The following CHST8 variants were observed in gnomAD, a reference collection of about 807,000 sequenced individuals.
CHST8 encodes carbohydrate sulfotransferase 8.
In CHST8, 10 loss-of-function variants were observed where a neutral mutation model predicts 15.0. The ratio of observed to expected loss-of-function variants is 0.67; its 90% confidence interval spans 0.41 to 1.13. The LOEUF (loss-of-function observed/expected upper bound fraction) is 1.13, where lower values mean the gene tolerates loss of function less well. Ranked by LOEUF, CHST8 falls within the 50% of genes most tolerant of loss-of-function variation. CHST8 has a pLI of 0.00. For synonymous variants in CHST8, 259 were observed against 256.6 expected (o/e 1.01, Z -0.09); for missense variants, 634 against 608.2 (o/e 1.04, Z -0.45).
intron 3 of CHST8, among the ~76,000 whole-genome samples, chr19:33,770,779 G>C (rs1241795119): frequency 6.6e-6 from 1 of 152,044 alleles, no homozygotes; most frequent in Non-Finnish European, 1.5e-5. Context: ...GGGAGACCAG[G>C]GCGAGCAAGA....
At chr19:33,627,561 C>A (rs2115374) in intron 1 of CHST8, among the ~76,000 whole-genome samples, 1 of 152,076 alleles carries the variant, frequency 6.6e-6, no homozygotes, top group Non-Finnish European at 1.5e-5. Flanking sequence ...GCACTCCGCA[C>A]GTAGAACACC....
chr19:33,622,615 G>A (rs1201672929), intron 1 of CHST8, among the ~76,000 whole-genome samples: 1 of 152,136 alleles, frequency 6.6e-6, no homozygotes, highest in Non-Finnish European at 1.5e-5. Context: ...CCGCCTCCTG[G>A]CCCTCGGTGC....
chr19:33,707,130 G>C (rs1023362227), intron 3 of CHST8, among the ~76,000 whole-genome samples: 1 of 152,176 alleles, frequency 6.6e-6, no homozygotes, highest in Non-Finnish European at 1.5e-5. Flanking sequence ...AGAGTTCACT[G>C]CAGCTTTAAA....
chr19:33,701,317 T>A (rs1309630907), intron 3 of CHST8, among the ~76,000 whole-genome samples: 2 of 152,174 alleles, frequency 1.3e-5, no homozygotes, highest in Non-Finnish European at 2.9e-5. Flanking sequence ...GAAGACACCC[T>A]GGGGGTCTCT....
At position 33,689,234 on chromosome 19, in the gene CHST8, C is replaced by G; in HGVS notation, c.-28C>G. On this transcript the variant is annotated 5_prime_UTR_variant, in exon 3 of 5. Coordinates refer to ENST00000650847, the MANE Select transcript of CHST8 (RefSeq NM_001127895.2). ...GAGGGAAGAACGTGCCCCCCACACC[C>G]AAGAGGTGACCCCTGAGCCAGCCCC... is the stretch of plus-strand genomic sequence containing the variant. 2 of 1,541,480 alleles carry G rather than the reference C, an allele frequency of 1.3e-6. No individual in the cohort carries two copies. The highest frequency in any genetic ancestry group is 1.7e-6 in the Non-Finnish European group (2 of 1,145,726).
intron 3 of CHST8, among the ~76,000 whole-genome samples, chr19:33,695,821 C>CTTTCTTTCTTTTTTTTTTT (rs57718433): frequency 1.0e-4 from 8 of 76,226 alleles, no homozygotes; most frequent in South Asian, 4.7e-4. Context: ...TTCTTTCTTT[C>CTTTCTTTCTTTTTTTTTTT]TTTTTTTTTT....
rs899884398 is a variant in CHST8, at chr19:33,719,174, T to C, written c.130+29783T>C. On this transcript the variant is annotated intron_variant, in intron 3 of 4. Coordinates refer to ENST00000650847, the MANE Select transcript of CHST8 (RefSeq NM_001127895.2). ...TAAAACGTGTTTTCTAAACTGTTGC[T>C]GAAGCTGCTGAAATGTTTTGTAAAA... Among the ~76,000 whole-genome samples the C allele has an allele frequency of 4.0e-5, 6 of 150,644 alleles. 1 individual carries two copies. In the Admixed American group the frequency reaches 4.0e-4, roughly 10 times the overall value.
At position 33,689,365 on chromosome 19, in the gene CHST8, C is replaced by A. The variant is rs538795960; in HGVS notation, c.104C>A (p.Thr35Lys). 4 of 1,603,654 alleles carry A rather than the reference C, an allele frequency of 2.5e-6. No homozygotes were observed. The highest frequency in any genetic ancestry group is 2.7e-5 in the African/African-American group (2 of 74,586). The change falls in exon 3 of 5, where the codon ACG becomes AAG. Residue 35 changes from threonine to lysine, a missense_variant. Coordinates refer to ENST00000650847, the MANE Select transcript of CHST8 (RefSeq NM_001127895.2). ...LLLFISLQDP[T>K]ELAPQQVPGI... is the part of the protein sequence containing the mutation. ...CTCTTCATCAGCCTGCAGGACCCTACGGAGCTCGCCCCCCAGCAGGTGCCA... is the reference window on the plus strand; with the variant it reads ...CTCTTCATCAGCCTGCAGGACCCTAAGGAGCTCGCCCCCCAGCAGGTGCCA...
intron 3 of CHST8, among the ~76,000 whole-genome samples, chr19:33,767,484 C>G (rs1315541006): frequency 6.6e-6 from 1 of 152,244 alleles, no homozygotes; most frequent in Non-Finnish European, 1.5e-5. Context: ...GGCTTTTCAG[C>G]TAAACGCTGA....
intron 3 of CHST8, among the ~76,000 whole-genome samples, chr19:33,760,222 A>G (rs982214921): frequency 1.7e-5 from 1 of 58,806 alleles, no homozygotes; most frequent in Non-Finnish European, 3.6e-5. Flanking sequence ...GTGTCTTTGC[A>G]TGGCTATAAA....
At position 33,772,866 on chromosome 19, in the gene CHST8, A is replaced by C; in HGVS notation, c.1078A>C (p.Ser360Arg). ...SMEDDANFFL[S>R]LIRAPRNLTF... is the part of the protein sequence containing the mutation. ...GGAGGACGATGCCAACTTCTTCCTG[A>C]GCCTCATCCGCGCGCCGCGGAACCT... Residue 360 changes from serine (S) to arginine (R), a missense_variant, in exon 5 of 5, where the codon AGC becomes CGC. Physicochemically the swap from Ser to Arg is moderately radical, Grantham distance 110. Coordinates refer to ENST00000650847, the MANE Select transcript of CHST8 (RefSeq NM_001127895.2). 6.2e-7 allele frequency: 1 copy of C among 1,613,454 alleles called. No individual in the cohort carries two copies. Among genetic ancestry groups the C allele is most frequent in the African/African-American group, 1.3e-5 (1 of 75,046 alleles).
At chr19:33,701,857 A>T (rs1315458651) in intron 3 of CHST8, among the ~76,000 whole-genome samples, 1 of 152,180 alleles carries the variant, frequency 6.6e-6, no homozygotes, top group East Asian at 1.9e-4. Context: ...ATTTACCCAA[A>T]GTCCTGAAGC....
chr19:33,661,674 C>A (rs963372886), intron 1 of CHST8, among the ~76,000 whole-genome samples: 1 of 152,186 alleles, frequency 6.6e-6, no homozygotes, highest in Non-Finnish European at 1.5e-5. Context: ...TTGGCTCCCC[C>A]TGAATGGGCA....
chr19:33,659,666 C>G (rs1052734991), intron 1 of CHST8, among the ~76,000 whole-genome samples: 1 of 151,992 alleles, frequency 6.6e-6, no homozygotes, highest in African/African-American at 2.4e-5. Context: ...AAAAAATAAC[C>G]AGGAAAGGTG....
At chr19:33,691,237 A>G (rs8106048) in intron 3 of CHST8, among the ~76,000 whole-genome samples, 19,146 of 152,200 alleles carry the variant, frequency 0.13, 1,285 homozygotes, top group East Asian at 0.15. Context: ...GGAAGATCGG[A>G]TCCTCAGGCT....
intron 3 of CHST8, among the ~76,000 whole-genome samples, chr19:33,757,600 GAA>G: frequency 7.0e-6 from 1 of 142,714 alleles, no homozygotes; most frequent in South Asian, 2.3e-4. Flanking sequence ...AAGAAAGAAA[GAA>G]AGAGCCGGCC....
intron 3 of CHST8, among the ~76,000 whole-genome samples, chr19:33,771,038 G>T (rs2145396189): frequency 6.6e-6 from 1 of 152,290 alleles, no homozygotes; most frequent in East Asian, 1.9e-4. Context: ...TCCTTTCCCT[G>T]TGACTTAATG....
chr19:33,719,248 G>A (rs1439178218), intron 3 of CHST8, among the ~76,000 whole-genome samples: 1 of 151,866 alleles, frequency 6.6e-6, no homozygotes, highest in Non-Finnish European at 1.5e-5. Context: ...TCAGCCGGGG[G>A]TGGGCCGGGT....
chr19:33,722,288 C>T (rs1386959847), intron 3 of CHST8, among the ~76,000 whole-genome samples: 5 of 133,730 alleles, frequency 3.7e-5, no homozygotes, highest in Admixed American at 7.4e-5. Context: ...GATGGACAGA[C>T]GGATGGAAAG....
Sources: gnomAD v4.1 joint callset for allele counts (sites outside exome capture counted in the v4.1 genomes callset) on GRCh38, gnomAD v4.1.1 for gene constraint, MANE v1.5 for transcripts, NCBI Gene and HGNC (gene_info 2026-07-23, HGNC 2026-07-21) for gene names.